L3MBTL1: variants seen among roughly 807,000 people sequenced by gnomAD.
The protein encoded by L3MBTL1 is L3MBTL histone methyl-lysine binding protein 1.
Under a neutral mutation model 105.3 loss-of-function variants are expected in L3MBTL1, and 75 were observed. That is an observed-to-expected ratio of 0.71 (90% confidence interval 0.59 to 0.86). L3MBTL1 has a LOEUF of 0.86. Among genes scored for constraint, L3MBTL1 ranks in the 40% least tolerant of loss-of-function variants. The probability of loss-of-function intolerance (pLI) is 0.00; values close to 1 mark genes in which losing one functional copy is unlikely to be tolerated. For missense variants in L3MBTL1, 1,069 were observed against 1,126.4 expected (o/e 0.95, Z 0.73); for synonymous variants, 452 against 436.2 (o/e 1.04, Z -0.45).
At chr20:43,536,482 A>G (rs1316682268) in intron 19 of L3MBTL1, 24 bp downstream of exon 19, 10 of 1,612,786 alleles carry the variant, frequency 6.2e-6, no homozygotes, top group Non-Finnish European at 5.1e-6. Flanking sequence ...ATCTGCTCCT[A>G]TGTCCTCCAC....
chr20:43,517,893 T>A (rs2018483885), intron 7 of L3MBTL1, among the ~76,000 whole-genome samples: 2 of 152,214 alleles, frequency 1.3e-5, no homozygotes, highest in Non-Finnish European at 1.5e-5. Context: ...AACCAGAACT[T>A]CACTATTATG....
intron 20 of L3MBTL1, among the ~76,000 whole-genome samples, 188 bp from the exon 21 acceptor site, chr20:43,540,565 G>A (rs3746526): frequency 0.5 from 75,249 of 151,956 alleles, 19,169 homozygotes; most frequent in African/African-American, 0.61. Context: ...GGCAGGCTTC[G>A]GTCCCAGGCC....
chr20:43,541,215 T>C lies in L3MBTL1; in HGVS notation c.*87T>C. 6.5e-7 allele frequency: 1 copy of C among 1,537,208 alleles called. No homozygotes were observed. Among genetic ancestry groups the C allele is most frequent in the Non-Finnish European group, 8.7e-7 (1 of 1,142,974 alleles). On this transcript the variant is annotated 3_prime_UTR_variant, in exon 22 of 22. Transcript: ENST00000418998. ...CAGATATTGTGATTTACTGCAAGGA[T>C]CCTAACACACACTTAAAATCAAGAG...
chr20:43,508,724 G>A (rs2018052631), intron 1 of L3MBTL1, among the ~76,000 whole-genome samples: 1 of 152,218 alleles, frequency 6.6e-6, no homozygotes, highest in African/African-American at 2.4e-5. Context: ...TTTGAGTGTA[G>A]GTTTATCGGA....
At chr20:43,529,516 A>G in intron 9 of L3MBTL1, 148 bp downstream of exon 9, 3 of 654,034 alleles carry the variant, frequency 4.6e-6, no homozygotes, top group Non-Finnish European at 2.7e-6. Flanking sequence ...AGAAAGCTTA[A>G]AACAACAAAA....
chr20:43,514,059 C>T lies in L3MBTL1; in HGVS notation c.358C>T (p.Arg120Trp), dbSNP rs761102663. ...AAAPPPGGGL[R>W]FRISEYKPLN... ...GGCCCCGCCCCCAGGGGGCGGCCTG[C>T]GGGTCAGTGTCTGTGGGGATTGGCT... The change falls in exon 3 of 22, where the codon CGG (arginine) becomes TGG (tryptophan). Residue 120 changes from arginine to tryptophan, a missense_variant and splice_region_variant. Coordinates refer to ENST00000418998, the MANE Select transcript of L3MBTL1 (RefSeq NM_001377303.1). 9.7e-4 allele frequency: 1,487 copies of T among 1,532,546 alleles called. 2 individuals carry two copies. Among genetic ancestry groups the T allele is most frequent in the Non-Finnish European group, 1.2e-3 (1,373 of 1,145,446 alleles). The allele number at this position is 1,532,546 out of a possible 1,614,324, so 94.9% of individuals were successfully genotyped here. A position where few individuals can be genotyped will look rare whatever the true frequency, so the allele number is the denominator to read the frequency against.
downstream of L3MBTL1, among the ~76,000 whole-genome samples, chr20:43,545,171 G>A (rs1486856136): frequency 6.6e-6 from 1 of 151,986 alleles, no homozygotes; most frequent in Non-Finnish European, 1.5e-5. Context: ...TTCAAGAGCA[G>A]CCTGGCCAAC....
chr20:43,518,433 T>G (rs1227056425), intron 7 of L3MBTL1, among the ~76,000 whole-genome samples: 1 of 152,214 alleles, frequency 6.6e-6, no homozygotes, highest in Non-Finnish European at 1.5e-5. Flanking sequence ...GTTAAAAACA[T>G]GTGACTCATG....
chr20:43,527,015 A>C (rs2019067800), intron 7 of L3MBTL1, among the ~76,000 whole-genome samples: 1 of 152,182 alleles, frequency 6.6e-6, no homozygotes, highest in South Asian at 2.1e-4. Flanking sequence ...GCAAAAAGGG[A>C]AAAAGCATCT....
chr20:43,532,389 A>G (rs1397486003), intron 11 of L3MBTL1: 1 of 194,420 alleles, frequency 5.1e-6, no homozygotes, highest in Non-Finnish European at 1.1e-5. Context: ...TCTATGCCAT[A>G]GATGTCCGCT....
intron 20 of L3MBTL1, among the ~76,000 whole-genome samples, chr20:43,540,517 G>A (rs998122077): frequency 1.3e-5 from 2 of 152,170 alleles, no homozygotes; most frequent in African/African-American, 4.8e-5. Flanking sequence ...AGGGGGCGGG[G>A]GCTGTGCTGC....
intron 3 of L3MBTL1, 165 bp from the exon 4 acceptor site, chr20:43,514,470 A>C: frequency 1.3e-6 from 2 of 1,513,950 alleles, no homozygotes; most frequent in Non-Finnish European, 8.9e-7. Context: ...GCCTGGAGTG[A>C]GGGTTTGGCT....
rs763246212 is a variant in L3MBTL1, at chr20:43,540,194, C to A, written c.2217C>A (p.Ala739=). 3.7e-6 allele frequency: 6 copies of A among 1,613,368 alleles called. No homozygotes were observed. Among genetic ancestry groups the A allele is most frequent in the African/African-American group, 2.7e-5 (2 of 74,914 alleles). Residue 739 remains alanine, a synonymous_variant, in exon 20 of 22, where the codon GCC becomes GCA. Transcript: ENST00000418998. ...DVVHQSLFMS[A]LSAHPDRSLS... Reference sequence around the variant, plus strand: ...TGCACCAGTCCCTCTTCATGTCAGCCCTGTCGGCCCACCCTGACCGCTCAC... The same window carrying A: ...TGCACCAGTCCCTCTTCATGTCAGCACTGTCGGCCCACCCTGACCGCTCAC...
chr20:43,543,513 A>T (rs1600970149), downstream of L3MBTL1, among the ~76,000 whole-genome samples: 1 of 152,302 alleles, frequency 6.6e-6, no homozygotes, highest in East Asian at 1.9e-4. Context: ...GATATAAAAA[A>T]CTAGTGGCCA....
At chr20:43,510,756 C>G (rs143350487) in intron 1 of L3MBTL1, among the ~76,000 whole-genome samples, 33 of 150,856 alleles carry the variant, frequency 2.2e-4, no homozygotes, top group Non-Finnish European at 4.3e-4. Context: ...CTCGCTCTGT[C>G]ACCTAGACCG....
chr20:43,528,995 G>C, intron 8 of L3MBTL1: 1 of 602,242 alleles, frequency 1.7e-6, no homozygotes, highest in Admixed American at 2.9e-5. Context: ...GAATTCTGGT[G>C]ACTTCTACTC....
At chr20:43,542,697 C>T (rs915811552), downstream of L3MBTL1, among the ~76,000 whole-genome samples, 2 of 151,796 alleles carry the variant, frequency 1.3e-5, no homozygotes, top group African/African-American at 2.4e-5. Context: ...TTTAGTCAGT[C>T]CGCACCCCAA....
intron 1 of L3MBTL1, among the ~76,000 whole-genome samples, chr20:43,511,736 G>C (rs2065381358): frequency 2.0e-5 from 3 of 148,672 alleles, no homozygotes; most frequent in African/African-American, 7.5e-5. Flanking sequence ...AGCCGAGATG[G>C]CACCACTGCA....
downstream of L3MBTL1, among the ~76,000 whole-genome samples, chr20:43,545,303 T>C (rs1485005668): frequency 6.6e-6 from 1 of 151,264 alleles, no homozygotes; most frequent in Non-Finnish European, 1.5e-5. Flanking sequence ...AGGTGAAGGT[T>C]GCAGTGAGCT....
Sources: gnomAD v4.1 joint callset for allele counts (sites outside exome capture counted in the v4.1 genomes callset) on GRCh38, gnomAD v4.1.1 for gene constraint, MANE v1.5 for transcripts, NCBI Gene and HGNC (gene_info 2026-07-23, HGNC 2026-07-21) for gene names.